Variants in GFRA1 observed in about 807,000 individuals in gnomAD.
GFRA1 encodes GDNF family receptor alpha 1.
In GFRA1, 16 loss-of-function variants were observed where a neutral mutation model predicts 51.6. That is an observed-to-expected ratio of 0.31 (90% CI 0.21 to 0.47). The LOEUF (loss-of-function observed/expected upper bound fraction) is 0.47, where lower values mean the gene tolerates loss of function less well. GFRA1 is among the 20% of genes least tolerant of loss of function. The pLI is 1.00. For synonymous variants in GFRA1, 270 were observed against 241.3 expected (o/e 1.12, Z -1.10); for missense variants, 530 against 594.3 (o/e 0.89, Z 1.13).
chr10:116,116,609 CCTGGA>C (rs1280687143), intron 6 of GFRA1, among the ~76,000 whole-genome samples: 1 of 152,176 alleles, frequency 6.6e-6, no homozygotes, highest in Non-Finnish European at 1.5e-5. Flanking sequence ...AATAAATATG[CCTGGA>C]CTGAATAATT....
chr10:116,196,405 C>T (rs1963753106), intron 5 of GFRA1, among the ~76,000 whole-genome samples: 1 of 149,538 alleles, frequency 6.7e-6, no homozygotes, highest in East Asian at 1.9e-4. Context: ...AGGAGAATCG[C>T]TTGAACCTGA....
chr10:116,177,659 G>A (rs73370451), intron 5 of GFRA1, among the ~76,000 whole-genome samples: 4,745 of 152,266 alleles, frequency 0.031, 258 homozygotes, highest in African/African-American at 0.11. Flanking sequence ...TACCATCGAG[G>A]AGATGGCAAT....
At chr10:116,199,300 G>A (rs1026039294) in intron 5 of GFRA1, among the ~76,000 whole-genome samples, 3 of 152,084 alleles carry the variant, frequency 2.0e-5, no homozygotes, top group South Asian at 2.1e-4. Flanking sequence ...CACCTGACGC[G>A]CTGCAGCCGG....
At chr10:116,136,919 T>A (rs1042311017) in intron 5 of GFRA1, among the ~76,000 whole-genome samples, 1 of 152,224 alleles carries the variant, frequency 6.6e-6, no homozygotes, top group Non-Finnish European at 1.5e-5. Flanking sequence ...GATTTTTTCC[T>A]GTGGGTGACT....
intron 6 of GFRA1, among the ~76,000 whole-genome samples, chr10:116,120,755 A>G (rs933260333): frequency 2.6e-5 from 4 of 152,216 alleles, no homozygotes; most frequent in African/African-American, 9.7e-5. Flanking sequence ...CTTTGGAAAC[A>G]ATGGCTGCAT....
chr10:116,060,904 T>C lies in GFRA1; in HGVS notation c.*3494A>G, dbSNP rs1187240182. On this transcript the variant is annotated 3_prime_UTR_variant, in exon 11 of 11. Transcript: ENST00000355422. ...TAAATAATAACAACAGAAATACATT[T>C]CCGCTGAATTCTGAGAAAAGAATTC... 1 of 152,200 alleles carries C rather than the reference T, an allele frequency of 6.6e-6. No homozygotes were observed. The highest frequency in any genetic ancestry group is 2.4e-5 in the African/African-American group (1 of 41,456). The allele number at this position is 152,200 out of a possible 1,614,324, so 9.4% of individuals were successfully genotyped here.
At chr10:116,238,652 C>T (rs939424952) in intron 4 of GFRA1, among the ~76,000 whole-genome samples, 3 of 152,086 alleles carry the variant, frequency 2.0e-5, no homozygotes, top group Admixed American at 2.0e-4. Context: ...GGTTGTAATC[C>T]GCTCAATGAA....
intron 6 of GFRA1, among the ~76,000 whole-genome samples, chr10:116,109,410 G>A (rs982586099): frequency 7.9e-5 from 12 of 152,144 alleles, no homozygotes; most frequent in Admixed American, 6.5e-4. Flanking sequence ...GACAGAATTA[G>A]TGGGCATTCT....
chr10:116,134,902 GT>G (rs1958258759), intron 5 of GFRA1, among the ~76,000 whole-genome samples: 1 of 152,170 alleles, frequency 6.6e-6, no homozygotes, highest in African/African-American at 2.4e-5. Flanking sequence ...TGTAAGTGGT[GT>G]GCAAGTCACA....
At chr10:116,147,967 T>C (rs936667858) in intron 5 of GFRA1, among the ~76,000 whole-genome samples, 6 of 151,248 alleles carry the variant, frequency 4.0e-5, no homozygotes, top group Middle Eastern at 3.2e-3. Flanking sequence ...GATGTGATAG[T>C]TGAGATTCTT....
At chr10:116,130,621 T>A (rs1363849632) in intron 5 of GFRA1, among the ~76,000 whole-genome samples, 1 of 152,078 alleles carries the variant, frequency 6.6e-6, no homozygotes, top group Non-Finnish European at 1.5e-5. Context: ...AGTCACTTGA[T>A]TTTTTTGAAA....
At chr10:116,185,893 T>A (rs542001120) in intron 5 of GFRA1, among the ~76,000 whole-genome samples, 6 of 152,372 alleles carry the variant, frequency 3.9e-5, no homozygotes, top group Middle Eastern at 3.4e-3. Context: ...AGGACTGGAT[T>A]GATATCTAGG....
chr10:116,131,682 G>A (rs929813796), intron 5 of GFRA1, among the ~76,000 whole-genome samples: 1 of 152,208 alleles, frequency 6.6e-6, no homozygotes, highest in East Asian at 1.9e-4. Flanking sequence ...TATATATATA[G>A]TTCGGGAATA....
chr10:116,142,941 G>A (rs915177673), intron 5 of GFRA1, among the ~76,000 whole-genome samples: 1 of 152,074 alleles, frequency 6.6e-6, no homozygotes, highest in African/African-American at 2.4e-5. Flanking sequence ...TGCTATTCAC[G>A]ACTTCCTGCC....
intron 4 of GFRA1, among the ~76,000 whole-genome samples, chr10:116,238,205 A>C (rs1425567325): frequency 6.6e-6 from 1 of 152,198 alleles, no homozygotes; most frequent in East Asian, 1.9e-4. Context: ...AGCTGCCGGG[A>C]AGGTGCAGCG....
intron 5 of GFRA1, among the ~76,000 whole-genome samples, chr10:116,134,421 G>A (rs1162319082): frequency 6.6e-6 from 1 of 152,186 alleles, no homozygotes; most frequent in Non-Finnish European, 1.5e-5. Context: ...AGCTCACAGT[G>A]ACAGTCTGGG....
At chr10:116,167,551 T>A (rs1247174627) in intron 5 of GFRA1, among the ~76,000 whole-genome samples, 1 of 150,806 alleles carries the variant, frequency 6.6e-6, no homozygotes, top group Non-Finnish European at 1.5e-5. Context: ...GAGTTCATTT[T>A]CAAAATTAAT....
In GFRA1 at chr10:116,271,992, A is replaced by C. The variant is rs968314665; in HGVS notation, c.38T>G (p.Leu13Trp). ...GCCCGCGGCGGGCCTCGACTTACCC[A>C]AGAGCGGCAGCGCGAAGTACAGGGT... ...LATLYFALPL[L>W]DLLLSAEVSG... is the part of the protein sequence containing the mutation. Residue 13 changes from leucine to tryptophan, a missense_variant and splice_region_variant, in exon 2 of 11, where the codon TTG (leucine) becomes TGG (tryptophan). Leu to Trp is a moderately conservative substitution (Grantham distance 61). Transcript: ENST00000355422. 7.1e-6 allele frequency: 11 copies of C among 1,556,074 alleles called. No individual in the cohort carries two copies. Among genetic ancestry groups the C allele is most frequent in the African/African-American group, 2.7e-5 (2 of 73,214 alleles).
rs147847806 is a variant in GFRA1 at position 116,100,782 on chromosome 10, C to T, written c.771-4018G>A. 3.5e-3 allele frequency among the ~76,000 whole-genome samples: 539 copies of T among 152,174 alleles called. 5 individuals are homozygous for T. Among genetic ancestry groups the T allele is most frequent in the African/African-American group, 0.012 (507 of 41,506 alleles). ...TTGCCAGGAGGGGAAGGGGTGGTTC[C>T]CTAGGAGACCGTGGCCATGAACCAG... is the stretch of plus-strand genomic sequence containing the variant. On this transcript the variant is annotated intron_variant, in intron 6 of 10. Coordinates refer to ENST00000355422, the MANE Select transcript of GFRA1 (RefSeq NM_005264.8).
Sources: allele counts gnomAD v4.1 joint callset (sites outside exome capture counted in the v4.1 genomes callset), GRCh38; gene constraint gnomAD v4.1.1; transcripts MANE v1.5; gene names NCBI Gene and HGNC (gene_info 2026-07-23, HGNC 2026-07-21).